Variants in TBC1D5 observed in about 807,000 individuals in gnomAD.
TBC1D5 encodes the protein TBC1 domain family member 5, also known as TBC1 domain family, member 5.
Under a neutral mutation model 100.3 loss-of-function variants are expected in TBC1D5, and 75 were observed. The observed-to-expected ratio is 0.75, with a 90% confidence interval of 0.62 to 0.91. The LOEUF (loss-of-function observed/expected upper bound fraction) is 0.91, where lower values mean the gene tolerates loss of function less well. TBC1D5 is among the 40% of genes least tolerant of loss of function. The probability of loss-of-function intolerance (pLI) is 0.00; values close to 1 mark genes in which losing one functional copy is unlikely to be tolerated. For missense variants in TBC1D5, 910 were observed against 942.4 expected, an observed-to-expected ratio of 0.97 and a Z score of 0.45; for synonymous variants, 323 against 325.6, an observed-to-expected ratio of 0.99 and a Z score of 0.09.
intron 18 of TBC1D5, among the ~76,000 whole-genome samples, chr3:17,206,541 T>C (rs768185617): frequency 6.6e-6 from 1 of 152,178 alleles, no homozygotes; most frequent in Non-Finnish European, 1.5e-5. Context: ...TAGATGAATA[T>C]TACAAAAACA....
chr3:17,306,514 A>G (rs554736411), intron 14 of TBC1D5, among the ~76,000 whole-genome samples: 69 of 152,318 alleles, frequency 4.5e-4, no homozygotes, highest in African/African-American at 1.6e-3. Flanking sequence ...TCATCAGTGA[A>G]AAGATGAAAA....
chr3:17,250,219 T>C (rs2077069722), intron 16 of TBC1D5, among the ~76,000 whole-genome samples: 1 of 152,178 alleles, frequency 6.6e-6, no homozygotes, highest in Non-Finnish European at 1.5e-5. Context: ...AAATATATAC[T>C]CAAACAAATC....
At chr3:17,609,450 A>C (rs1242569800) in intron 2 of TBC1D5, among the ~76,000 whole-genome samples, 3 of 151,888 alleles carry the variant, frequency 2.0e-5, no homozygotes, top group Non-Finnish European at 2.9e-5. Context: ...CTTTCCTAAA[A>C]TTTTCTTCCT....
rs371331587 is a variant in TBC1D5 at position 17,572,725 on chromosome 3, T to C, written c.-36+51124A>G. 2.0e-5 allele frequency among the ~76,000 whole-genome samples: 3 copies of C among 152,210 alleles called. No individual in the cohort carries two copies. In the East Asian group the frequency reaches 5.8e-4, roughly 29 times the overall value. ...CGACGACCACTTTTGGCACTTCACT[T>C]CTGACCCCTCTATTTATCACACTGT... On this transcript the variant is annotated intron_variant, in intron 2 of 21. Transcript: ENST00000253692.
chr3:17,605,717 A>G (rs1158392665), intron 2 of TBC1D5, among the ~76,000 whole-genome samples: 1 of 152,228 alleles, frequency 6.6e-6, no homozygotes, highest in East Asian at 1.9e-4. Flanking sequence ...ACCAGTAAAT[A>G]TTAACACATA....
At chr3:17,577,584 CAAT>C (rs1422510065) in intron 2 of TBC1D5, among the ~76,000 whole-genome samples, 5 of 151,426 alleles carry the variant, frequency 3.3e-5, no homozygotes, top group African/African-American at 1.2e-4. Context: ...TCCTGCCATT[CAAT>C]AATAAGAAAA....
intron 3 of TBC1D5, among the ~76,000 whole-genome samples, chr3:17,449,466 G>A (rs1263347346): frequency 3.3e-5 from 5 of 152,302 alleles, no homozygotes; most frequent in East Asian, 1.9e-4. Context: ...ACAAAGCCCA[G>A]CAACCTAAGA....
intron 2 of TBC1D5, among the ~76,000 whole-genome samples, chr3:17,512,465 A>G (rs1007961465): frequency 2.0e-5 from 3 of 152,160 alleles, no homozygotes; most frequent in African/African-American, 7.2e-5. Flanking sequence ...CAAGATACAT[A>G]CAGAGAAAAG....
chr3:17,307,765 A>G (rs1490392898), intron 14 of TBC1D5, among the ~76,000 whole-genome samples: 1 of 152,204 alleles, frequency 6.6e-6, no homozygotes, highest in East Asian at 1.9e-4. Context: ...TCTGAAGAAT[A>G]TTCTAATTCT....
At chr3:17,655,490 T>C (rs1320767383) in intron 1 of TBC1D5, among the ~76,000 whole-genome samples, 1 of 141,322 alleles carries the variant, frequency 7.1e-6, no homozygotes, top group Non-Finnish European at 1.5e-5. Flanking sequence ...AATTAAAAAA[T>C]GAAACCCACC....
intron 15 of TBC1D5, among the ~76,000 whole-genome samples, chr3:17,287,791 T>C (rs913536183): frequency 1.3e-5 from 2 of 152,234 alleles, no homozygotes; most frequent in East Asian, 1.9e-4. Flanking sequence ...TTGCAGAATG[T>C]ATTCTCCACT....
At chr3:17,366,994 T>A (rs993261849) in intron 13 of TBC1D5, among the ~76,000 whole-genome samples, 7 of 152,182 alleles carry the variant, frequency 4.6e-5, no homozygotes, top group African/African-American at 1.7e-4. Context: ...CCATGAGTGT[T>A]GTAAAGAGCT....
chr3:17,367,894 G>A (rs1020835806), intron 13 of TBC1D5, among the ~76,000 whole-genome samples: 22 of 151,688 alleles, frequency 1.5e-4, no homozygotes, highest in Admixed American at 4.6e-4. Flanking sequence ...TTATTTATTC[G>A]AATTATAGTA....
At chr3:17,162,372 C>G (rs1391611390) in intron 21 of TBC1D5, among the ~76,000 whole-genome samples, 1 of 152,260 alleles carries the variant, frequency 6.6e-6, no homozygotes, top group East Asian at 1.9e-4. Context: ...TCAGGGAAAT[C>G]TGGCCTTGAG....
At chr3:17,704,675 C>T (rs1293982299) in intron 1 of TBC1D5, among the ~76,000 whole-genome samples, 2 of 68,684 alleles carry the variant, frequency 2.9e-5, no homozygotes, top group Non-Finnish European at 6.1e-5. Context: ...CCCTCCCGGA[C>T]GGGGCGGCTG....
chr3:17,586,571 T>C (rs1177522740), intron 2 of TBC1D5: 1 of 151,976 alleles, frequency 6.6e-6, no homozygotes, highest in Non-Finnish European at 1.5e-5. Flanking sequence ...GAAAAATAAA[T>C]AAATAAAATA....
chr3:17,345,749 G>A (rs2089769339), intron 13 of TBC1D5, among the ~76,000 whole-genome samples: 1 of 152,178 alleles, frequency 6.6e-6, no homozygotes, highest in South Asian at 2.1e-4. Flanking sequence ...CATAAAAAAT[G>A]ATGAGTTCAT....
intron 3 of TBC1D5, among the ~76,000 whole-genome samples, chr3:17,440,454 A>AT (rs1183796735): frequency 6.6e-6 from 1 of 152,024 alleles, no homozygotes; most frequent in Admixed American, 6.6e-5. Flanking sequence ...GGCAAAACTC[A>AT]TATTTACAAA....
chr3:17,453,725 T>C (rs867807145), intron 3 of TBC1D5, among the ~76,000 whole-genome samples: 1 of 152,150 alleles, frequency 6.6e-6, no homozygotes, highest in Non-Finnish European at 1.5e-5. Flanking sequence ...AAACTCAAAC[T>C]GTTCCAAAAA....
Sources: allele counts gnomAD v4.1 joint callset (sites outside exome capture counted in the v4.1 genomes callset), GRCh38; gene constraint gnomAD v4.1.1; transcripts MANE v1.5; gene names NCBI Gene and HGNC (gene_info 2026-07-23, HGNC 2026-07-21).